Variants in ATP2C1 observed in about 807,000 individuals in gnomAD.
The protein encoded by ATP2C1 is calcium-transporting ATPase type 2C member 1.
A neutral mutation model predicts 120.5 loss-of-function variants in ATP2C1; 31 were observed. The ratio of observed to expected loss-of-function variants is 0.26; its 90% CI spans 0.19 to 0.35. The LOEUF (loss-of-function observed/expected upper bound fraction) is 0.35, where lower values mean the gene tolerates loss of function less well. Among genes scored for constraint, ATP2C1 ranks in the 10% least tolerant of loss-of-function variants. The probability of loss-of-function intolerance (pLI) is 1.00; values close to 1 mark genes in which losing one functional copy is unlikely to be tolerated. For missense variants in ATP2C1, 731 were observed against 1,107.5 expected, an observed-to-expected ratio of 0.66 and a Z score of 4.83; for synonymous variants, 351 against 358.7, an observed-to-expected ratio of 0.98 and a Z score of 0.24.
chr3:130,930,654 G>T, intron 3 of ATP2C1, 128 bp downstream of exon 3: 79 of 723,318 alleles, frequency 1.1e-4, no homozygotes. Context: ...ATTCAGCATA[G>T]TAGCCACAAG....
chr3:130,913,524 T>C (rs919316024), intron 2 of ATP2C1, among the ~76,000 whole-genome samples: 7 of 152,232 alleles, frequency 4.6e-5, no homozygotes, highest in Non-Finnish European at 1.0e-4. Context: ...ATCAGAAGAC[T>C]GTACAGCCTT....
At chr3:130,910,026 A>G (rs1189755323) in intron 2 of ATP2C1, among the ~76,000 whole-genome samples, 2 of 151,862 alleles carry the variant, frequency 1.3e-5, no homozygotes, top group Non-Finnish European at 2.9e-5. Context: ...TTTTACATTT[A>G]TTTCTCATAA....
At chr3:130,900,694 A>T (rs537811088) in intron 2 of ATP2C1, among the ~76,000 whole-genome samples, 3 of 152,330 alleles carry the variant, frequency 2.0e-5, no homozygotes, top group Admixed American at 2.0e-4. Context: ...TGAAGTTAAA[A>T]AGAATAGAGC....
chr3:130,875,455 CTTAA>C (rs1449431199), intron 1 of ATP2C1, among the ~76,000 whole-genome samples: 2 of 152,154 alleles, frequency 1.3e-5, no homozygotes, highest in African/African-American at 4.8e-5. Context: ...AATGACAGGA[CTTAA>C]TTCTTATTTA....
chr3:130,974,663 G>A (rs547168298), intron 17 of ATP2C1, among the ~76,000 whole-genome samples: 3 of 151,914 alleles, frequency 2.0e-5, no homozygotes, highest in Non-Finnish European at 4.4e-5. Context: ...TGGGGAGGGG[G>A]GGAATAGATA....
intron 1 of ATP2C1, among the ~76,000 whole-genome samples, chr3:130,863,378 A>G (rs2068075436): frequency 6.6e-6 from 1 of 152,148 alleles, no homozygotes; most frequent in East Asian, 1.9e-4. Flanking sequence ...CTATACTCCT[A>G]TATTAGTCTA....
chr3:130,953,017 G>C (rs1411175789), intron 8 of ATP2C1, among the ~76,000 whole-genome samples: 1 of 152,076 alleles, frequency 6.6e-6, no homozygotes, highest in East Asian at 1.9e-4. Context: ...AGTAGAGGAA[G>C]CTGTTTAACT....
intron 2 of ATP2C1, among the ~76,000 whole-genome samples, chr3:130,903,793 T>C (rs1187927956): frequency 6.6e-6 from 1 of 151,680 alleles, no homozygotes; most frequent in Non-Finnish European, 1.5e-5. Context: ...TAAAAAACAC[T>C]GGTTGCATGC....
chr3:130,971,447 TC>T (rs1187851147), intron 17 of ATP2C1, among the ~76,000 whole-genome samples: 1 of 152,170 alleles, frequency 6.6e-6, no homozygotes, highest in African/African-American at 2.4e-5. Flanking sequence ...CTAGAAGAAG[TC>T]ATCCTGACAC....
At chr3:130,861,598 A>C (rs12108070) in intron 1 of ATP2C1, among the ~76,000 whole-genome samples, 4,469 of 152,262 alleles carry the variant, frequency 0.029, 211 homozygotes, top group African/African-American at 0.096. Context: ...TGCAAATGCT[A>C]ATCTCTTCCC....
intron 2 of ATP2C1, among the ~76,000 whole-genome samples, chr3:130,904,871 A>T (rs1243610546): frequency 6.6e-6 from 1 of 152,064 alleles, no homozygotes; most frequent in African/African-American, 2.4e-5. Flanking sequence ...TTATCCAATT[A>T]ATTTATTTAC....
rs141155120 is a variant in ATP2C1 at position 131,016,248 on chromosome 3, G to A, written c.*59G>A. On this transcript the variant is annotated 3_prime_UTR_variant, in exon 27 of 27. Transcript: ENST00000328560. ...GACAGAAGATGTGAGCTGTGTCTAA[G>A]TCCAGTCTTGTGCCCAGCCGTGTCT... 45 of 1,614,120 alleles carry A rather than the reference G, an allele frequency of 2.8e-5. No individual in the cohort carries two copies. The African/African-American group carries it at 5.9e-4, about 21-fold the overall frequency.
At chr3:130,903,174 C>T (rs1174213320) in intron 2 of ATP2C1, among the ~76,000 whole-genome samples, 1 of 151,964 alleles carries the variant, frequency 6.6e-6, no homozygotes, top group Non-Finnish European at 1.5e-5. Context: ...TAGAAATAAC[C>T]TGCCTGTTTT....
chr3:130,964,868 C>G (rs1576908888), intron 13 of ATP2C1, 80 bp from the exon 14 acceptor site: 2 of 991,740 alleles, frequency 2.0e-6, no homozygotes, highest in East Asian at 4.9e-5. Context: ...GGACAGGATT[C>G]TAGTCTTTGA....
At chr3:130,979,755 A>G (rs1454383725) in intron 19 of ATP2C1, among the ~76,000 whole-genome samples, 1 of 152,158 alleles carries the variant, frequency 6.6e-6, no homozygotes, top group Admixed American at 6.6e-5. Context: ...TTTTCCTTTC[A>G]ACTTAAGTAT....
chr3:130,896,052 C>G (rs919042559), intron 2 of ATP2C1, among the ~76,000 whole-genome samples: 1 of 152,282 alleles, frequency 6.6e-6, no homozygotes, highest in East Asian at 1.9e-4. Context: ...TTAAGAAAGG[C>G]AAATCCATTC....
chr3:130,870,975 G>A (rs578151015), intron 1 of ATP2C1, among the ~76,000 whole-genome samples: 3 of 152,216 alleles, frequency 2.0e-5, no homozygotes, highest in South Asian at 2.1e-4. Flanking sequence ...AGCAACCACC[G>A]CCCTGATCAG....
chr3:130,956,023 A>G (rs1232124635), intron 10 of ATP2C1, 81 bp from the exon 11 acceptor site: 6 of 926,882 alleles, frequency 6.5e-6, no homozygotes, highest in African/African-American at 4.9e-5. Flanking sequence ...TGCTTTGTCA[A>G]GCACTTAGCA....
At chr3:130,928,528 G>A (rs2059316978) in intron 2 of ATP2C1, among the ~76,000 whole-genome samples, 1 of 152,136 alleles carries the variant, frequency 6.6e-6, no homozygotes, top group Non-Finnish European at 1.5e-5. Context: ...ACTAGAGTTA[G>A]CAATTTCCAA....
Sources: allele counts gnomAD v4.1 joint callset (sites outside exome capture counted in the v4.1 genomes callset), GRCh38; gene constraint gnomAD v4.1.1; transcripts MANE v1.5; gene names NCBI Gene and HGNC (gene_info 2026-07-23, HGNC 2026-07-21).